The following RBFOX3 variants were observed in gnomAD, a reference collection of about 807,000 sequenced individuals.
RBFOX3 encodes the protein RNA binding protein fox-1 homolog 3.
A neutral mutation model predicts 48.7 loss-of-function variants in RBFOX3; 17 were observed. That is an observed-to-expected ratio of 0.35 (90% confidence interval 0.24 to 0.52). The LOEUF (loss-of-function observed/expected upper bound fraction) is 0.52, where lower values mean the gene tolerates loss of function less well. Among genes scored for constraint, RBFOX3 ranks in the 20% least tolerant of loss-of-function variants. The pLI, the probability that RBFOX3 is intolerant of heterozygous loss-of-function variation, is 0.94. For missense variants in RBFOX3, 382 were observed against 497.5 expected (o/e 0.77, Z 2.21); for synonymous variants, 212 against 209.5 (o/e 1.01, Z -0.10).
intron 3 of RBFOX3, among the ~76,000 whole-genome samples, chr17:79,283,093 C>G (rs539824247): frequency 6.6e-6 from 1 of 150,652 alleles, no homozygotes; most frequent in East Asian, 2.0e-4. Flanking sequence ...GAAATCAAGG[C>G]GGGGGCGGGA....
chr17:79,106,137 G>A lies in RBFOX3; in HGVS notation c.360+514C>T, dbSNP rs184631935. 8.3e-4 allele frequency among the ~76,000 whole-genome samples: 126 copies of A among 152,252 alleles called. 2 individuals carry two copies. Among genetic ancestry groups the A allele is most frequent in the African/African-American group, 2.8e-3 (118 of 41,572 alleles). On this transcript the variant is annotated intron_variant, in intron 6 of 14. Coordinates refer to ENST00000693108, the MANE Select transcript of RBFOX3 (RefSeq NM_001350451.2). ...TTCCAAGTTCCCCACCTGGGGGCCC[G>A]GGGGACACAGGCCCGGAGAGGTTGA...
At chr17:79,350,691 CCT>C (rs1477971279) in intron 2 of RBFOX3, among the ~76,000 whole-genome samples, 2 of 152,148 alleles carry the variant, frequency 1.3e-5, no homozygotes, top group Admixed American at 6.5e-5. Context: ...CCGGTGTGTC[CCT>C]GTGACCTGGT....
intron 3 of RBFOX3, among the ~76,000 whole-genome samples, chr17:79,296,655 A>G (rs11077422): frequency 2.7e-5 from 4 of 150,424 alleles, no homozygotes; most frequent in African/African-American, 9.8e-5. Context: ...AGACTCTCCC[A>G]TCTCCCTCCT....
intron 2 of RBFOX3, among the ~76,000 whole-genome samples, chr17:79,323,019 G>GGGGGACATGAAGGCT (rs2078776930): frequency 6.6e-6 from 1 of 152,226 alleles, no homozygotes; most frequent in Admixed American, 6.5e-5. Context: ...GCATTGTGCT[G>GGGGGACATGAAGGCT]GGGGACATGA....
intron 2 of RBFOX3, among the ~76,000 whole-genome samples, chr17:79,457,464 C>T (rs1568284118): frequency 6.6e-6 from 1 of 152,196 alleles, no homozygotes; most frequent in Non-Finnish European, 1.5e-5. Context: ...CCAACCAAGA[C>T]ACGTGGCCGC....
the RBFOX3 span, among the ~76,000 whole-genome samples, chr17:79,635,191 G>A: frequency 1.3e-5 from 2 of 150,920 alleles, no homozygotes; most frequent in African/African-American, 2.4e-5. Context: ...TGAGGCATGG[G>A]TAAGACACTC....
In RBFOX3 at chr17:79,391,668, T is replaced by C. The variant is rs750717041; in HGVS notation, c.-174-83844A>G. Among the ~76,000 whole-genome samples the C allele has an allele frequency of 9.9e-5, 15 of 152,216 alleles. No homozygotes were observed. Among genetic ancestry groups the C allele is most frequent in the Non-Finnish European group, 1.9e-4 (13 of 68,042 alleles). ...CACATGTGCATACATGCGTGTGTAC[T>C]TGCCTGCCTGTGCATCCACATATAT... is the stretch of plus-strand genomic sequence containing the variant. On this transcript the variant is annotated intron_variant, in intron 2 of 14. Transcript: ENST00000693108. This position sits in a 1 kb window ranked among gnomAD's most constrained non-coding sequence, Gnocchi z 5.0.
chr17:79,277,525 A>G (rs1402153608), intron 3 of RBFOX3, among the ~76,000 whole-genome samples: 2 of 152,100 alleles, frequency 1.3e-5, no homozygotes, highest in Non-Finnish European at 1.5e-5. Flanking sequence ...CCATAAATTA[A>G]CCCGCAGCCC....
At chr17:79,504,238 C>T (rs1350875275) in intron 1 of RBFOX3, among the ~76,000 whole-genome samples, 2 of 152,220 alleles carry the variant, frequency 1.3e-5, no homozygotes, top group African/African-American at 2.4e-5. Flanking sequence ...CAGGAGCCGC[C>T]GTAACAAAGC....
chr17:79,655,330 A>G, the RBFOX3 span, among the ~76,000 whole-genome samples: 925 of 152,322 alleles, frequency 6.1e-3, 12 homozygotes, highest in African/African-American at 0.021. Context: ...GGTGACCTTG[A>G]GGCTGTGTGC....
chr17:79,222,193 A>G lies in RBFOX3; in HGVS notation c.-34+13573T>C, dbSNP rs116004358. On this transcript the variant is annotated intron_variant, in intron 4 of 14. Coordinates refer to ENST00000693108, the MANE Select transcript of RBFOX3 (RefSeq NM_001350451.2). ...CAGCCTGATTTCTACCTGCAGCCTG[A>G]TTTCTACCGGCAGCCTGATTTCTAG... Among the ~76,000 whole-genome samples, 976 of 152,108 alleles carry G rather than the reference A, an allele frequency of 6.4e-3. 13 individuals are homozygous for G. Among genetic ancestry groups the G allele is most frequent in the African/African-American group, 0.022 (900 of 41,432 alleles).
chr17:79,361,671 T>C lies in RBFOX3; in HGVS notation c.-174-53847A>G, dbSNP rs749386232. Among the ~76,000 whole-genome samples the C allele has an allele frequency of 6.6e-6, 1 of 152,214 alleles. No homozygotes were observed. The highest frequency in any genetic ancestry group is 1.5e-5 in the Non-Finnish European group (1 of 68,036). ...TCTTTCACTCTGCCCTCAAACAGCA[T>C]TTCACTCCATCATTCATTTCTTGGT... is the stretch of plus-strand genomic sequence containing the variant. On this transcript the variant is annotated intron_variant, in intron 2 of 14. Coordinates refer to ENST00000693108, the MANE Select transcript of RBFOX3 (RefSeq NM_001350451.2). The surrounding 1 kb of genome is among the most constrained non-coding windows in gnomAD (Gnocchi z 4.5).
chr17:79,555,495 G>A (rs1463889747), intron 1 of RBFOX3, among the ~76,000 whole-genome samples: 11 of 113,194 alleles, frequency 9.7e-5, no homozygotes, highest in Middle Eastern at 4.8e-3. Context: ...TGATGACAGT[G>A]GTGGTGGTGG....
chr17:79,179,195 G>A (rs1473921161), intron 4 of RBFOX3, among the ~76,000 whole-genome samples: 1 of 152,180 alleles, frequency 6.6e-6, no homozygotes, highest in African/African-American at 2.4e-5. Flanking sequence ...AGGGAAGAGA[G>A]AATGATTATT....
chr17:79,270,864 C>T (rs2067545875), intron 3 of RBFOX3, among the ~76,000 whole-genome samples: 1 of 152,236 alleles, frequency 6.6e-6, no homozygotes. Flanking sequence ...CATCTTCATC[C>T]CCATTTTGCA....
chr17:79,446,036 C>T (rs1411961656), intron 2 of RBFOX3, among the ~76,000 whole-genome samples: 1 of 152,156 alleles, frequency 6.6e-6, no homozygotes, highest in African/African-American at 2.4e-5. Flanking sequence ...AAGGAACGGC[C>T]TCCACATGAG....
chr17:79,262,793 T>C (rs2066007518), intron 3 of RBFOX3, among the ~76,000 whole-genome samples: 1 of 152,266 alleles, frequency 6.6e-6, no homozygotes, highest in South Asian at 2.1e-4. Context: ...CTGCTCCCTG[T>C]TGGATGGAAA....
chr17:79,136,560 C>A (rs1286508650), intron 4 of RBFOX3, among the ~76,000 whole-genome samples: 2 of 152,174 alleles, frequency 1.3e-5, no homozygotes, highest in Admixed American at 1.3e-4. Context: ...GTGCTGCTGG[C>A]CACTCAACTT....
chr17:79,488,880 G>T (rs2149565871), intron 1 of RBFOX3, among the ~76,000 whole-genome samples: 1 of 152,344 alleles, frequency 6.6e-6, no homozygotes, highest in East Asian at 1.9e-4. Context: ...GCCTCTTTGT[G>T]ATGGTCACAC....
Sources: gnomAD v4.1 joint callset for allele counts (sites outside exome capture counted in the v4.1 genomes callset) on GRCh38, gnomAD v4.1.1 for gene constraint, Gnocchi (gnomAD v3.1) non-coding constraint, MANE v1.5 for transcripts, NCBI Gene and HGNC (gene_info 2026-07-23, HGNC 2026-07-21) for gene names.